ZFAND6: variants seen among roughly 807,000 people sequenced by gnomAD.
ZFAND6 encodes AN1-type zinc finger protein 6.
Under a neutral mutation model 24.5 loss-of-function variants are expected in ZFAND6, and 12 were observed. The ratio of observed to expected loss-of-function variants is 0.49; its 90% CI spans 0.31 to 0.79. The LOEUF is 0.79. Among genes scored for constraint, ZFAND6 ranks in the 30% least tolerant of loss-of-function variants. ZFAND6 has a pLI of 0.04. For synonymous variants in ZFAND6, 92 were observed against 81.5 expected, an observed-to-expected ratio of 1.13 and a Z score of -0.69; for missense variants, 207 against 245.9, an observed-to-expected ratio of 0.84 and a Z score of 1.06.
intron 1 of ZFAND6, among the ~76,000 whole-genome samples, chr15:80,078,215 C>T (rs756531404): frequency 6.6e-6 from 1 of 152,182 alleles, no homozygotes; most frequent in Non-Finnish European, 1.5e-5. Context: ...CTCTCCCCAG[C>T]CCTTTCCTCT....
chr15:80,085,346 G>C (rs1160590005), intron 1 of ZFAND6, among the ~76,000 whole-genome samples: 3 of 152,188 alleles, frequency 2.0e-5, no homozygotes, highest in Non-Finnish European at 4.4e-5. Flanking sequence ...TCAGATCCTA[G>C]AACCGTAGCT....
intron 2 of ZFAND6, chr15:80,111,373 G>T: frequency 2.6e-6 from 1 of 385,054 alleles, no homozygotes; most frequent in Non-Finnish European, 5.2e-6. Flanking sequence ...CTTAACTCTT[G>T]CAGTCAACCC....
Position 80,093,978 on chromosome 15 carries a change from CATTTGGT to C in ZFAND6, c.-180-4433_-180-4427del, listed in dbSNP as rs142779243. On this transcript the variant is annotated intron_variant, in intron 1 of 6. Coordinates refer to ENST00000261749, the MANE Select transcript of ZFAND6 (RefSeq NM_019006.4). ...AAAGGTTTATGTCATTTGGCACTTA[CATTTGGT>C]ATTTTAAACTGGAGCACTATTTATT... Among the ~76,000 whole-genome samples the C allele has an allele frequency of 9.1e-3, 1,383 of 152,250 alleles. 24 individuals carry two copies. Among genetic ancestry groups the C allele is most frequent in the African/African-American group, 0.032 (1,313 of 41,544 alleles).
At position 80,137,663 on chromosome 15, in the gene ZFAND6, C is replaced by T; in HGVS notation, c.*35C>T. The T allele has an allele frequency of 6.5e-7, 1 of 1,534,612 alleles. No homozygotes were observed. On this transcript the variant is annotated 3_prime_UTR_variant, in exon 7 of 7. Coordinates refer to ENST00000261749, the MANE Select transcript of ZFAND6 (RefSeq NM_019006.4). ...GGAATACAAAATTCTTGAGCATCTG[C>T]AAACTAAAAATTGACTTGAGGTTTT... is the stretch of plus-strand genomic sequence containing the variant.
At chr15:80,130,747 G>A (rs1189597959) in intron 5 of ZFAND6, 1 of 157,740 alleles carries the variant, frequency 6.3e-6, no homozygotes, top group Non-Finnish European at 1.4e-5. Context: ...CAGAATCTTG[G>A]TTTCACCTTT....
At chr15:80,092,268 C>G (rs530709131) in intron 1 of ZFAND6, among the ~76,000 whole-genome samples, 1 of 148,064 alleles carries the variant, frequency 6.8e-6, no homozygotes, top group African/African-American at 2.5e-5. Context: ...GGGTGGATCA[C>G]TTGATCCCAG....
intron 6 of ZFAND6, among the ~76,000 whole-genome samples, chr15:80,136,087 C>T (rs898587924): frequency 6.6e-6 from 1 of 150,698 alleles, no homozygotes; most frequent in African/African-American, 2.4e-5. Context: ...GATTGCACCA[C>T]TTCATACCAG....
chr15:80,080,466 T>C (rs1173997845), intron 1 of ZFAND6, among the ~76,000 whole-genome samples: 1 of 152,204 alleles, frequency 6.6e-6, no homozygotes, highest in Non-Finnish European at 1.5e-5. Flanking sequence ...TTTTATAAAT[T>C]AGACATAGTA....
intron 1 of ZFAND6, among the ~76,000 whole-genome samples, chr15:80,067,883 A>C (rs554108804): frequency 6.6e-6 from 1 of 152,350 alleles, no homozygotes; most frequent in African/African-American, 2.4e-5. Context: ...AATTTTTAAA[A>C]TATTACATAT....
chr15:80,132,857 C>G (rs1185231288), intron 6 of ZFAND6, among the ~76,000 whole-genome samples: 2 of 151,680 alleles, frequency 1.3e-5, no homozygotes, highest in African/African-American at 4.8e-5. Flanking sequence ...AGATTAATGT[C>G]TGCAGCTGCT....
At chr15:80,111,656 A>C in intron 2 of ZFAND6, 1 of 333,192 alleles carries the variant, frequency 3.0e-6, no homozygotes, top group Non-Finnish European at 6.1e-6. Context: ...GTTTTTAATA[A>C]AGTTTTCTTA....
rs375711068 is a variant in ZFAND6 at position 80,101,936 on chromosome 15, G to A, written c.-18+3358G>A. On this transcript the variant is annotated intron_variant, in intron 2 of 6. Coordinates refer to ENST00000261749, the MANE Select transcript of ZFAND6 (RefSeq NM_019006.4). ...GCTTCCGGAGTAGCTGGGACTACAG[G>A]CTCCTGCCACCACGCCTGGCTAATT... Among the ~76,000 whole-genome samples, 44 of 151,694 alleles carry A rather than the reference G, an allele frequency of 2.9e-4. 1 individual carries two copies. In the South Asian group the frequency reaches 8.6e-3, roughly 30 times the overall value.
At chr15:80,117,133 T>C (rs531090228) in intron 2 of ZFAND6, among the ~76,000 whole-genome samples, 15 of 152,386 alleles carry the variant, frequency 9.8e-5, no homozygotes, top group African/African-American at 3.6e-4. Context: ...TCAAGGTTTT[T>C]TTCACTTGAC....
intron 2 of ZFAND6, among the ~76,000 whole-genome samples, chr15:80,120,006 A>C (rs2142011600): frequency 6.6e-6 from 1 of 152,354 alleles, no homozygotes; most frequent in South Asian, 2.1e-4. Flanking sequence ...AGGAGGGTCC[A>C]AACTGAGCTA....
chr15:80,074,113 A>T (rs564067239), intron 1 of ZFAND6, among the ~76,000 whole-genome samples: 1 of 151,936 alleles, frequency 6.6e-6, no homozygotes, highest in African/African-American at 2.4e-5. Context: ...ATGTTCTGTT[A>T]AAGTGTGCCT....
Position 80,122,697 on chromosome 15 carries a change from T to C in ZFAND6, c.264-3T>C, listed in dbSNP as rs747026426. On this transcript the variant is annotated splice_region_variant and splice_polypyrimidine_tract_variant and intron_variant, in intron 4 of 6. Transcript: ENST00000261749. ...TTTAAAATGAAATATTTTGCTTTTC[T>C]AGCCCTGTATCAAATCAGTCACTTT... The C allele has an allele frequency of 1.5e-5, 24 of 1,611,686 alleles. No individual in the cohort carries two copies. Among genetic ancestry groups the C allele is most frequent in the African/African-American group, 2.7e-5 (2 of 74,908 alleles).
chr15:80,059,141 C>A (rs2036193271), upstream of ZFAND6, among the ~76,000 whole-genome samples: 1 of 152,250 alleles, frequency 6.6e-6, no homozygotes, highest in Non-Finnish European at 1.5e-5. Flanking sequence ...TTCCAGTATG[C>A]GCCCTGAGCT....
intron 2 of ZFAND6, 113 bp from the exon 3 acceptor site, chr15:80,120,215 A>T: frequency 1.2e-6 from 1 of 842,922 alleles, no homozygotes; most frequent in Non-Finnish European, 1.7e-6. Flanking sequence ...ACAGTTATGT[A>T]GAATAGTTTG....
chr15:80,124,958 A>C (rs1042473562), intron 5 of ZFAND6, among the ~76,000 whole-genome samples: 1 of 152,192 alleles, frequency 6.6e-6, no homozygotes, highest in African/African-American at 2.4e-5. Flanking sequence ...AAATATAAAC[A>C]TGTATGTTTG....
Sources: allele counts gnomAD v4.1 joint callset (sites outside exome capture counted in the v4.1 genomes callset), GRCh38; gene constraint gnomAD v4.1.1; transcripts MANE v1.5; gene names NCBI Gene and HGNC (gene_info 2026-07-23, HGNC 2026-07-21).